Variants in SAFB2 observed in about 807,000 individuals in gnomAD.
SAFB2 encodes scaffold attachment factor B2.
Under a neutral mutation model 100.6 loss-of-function variants are expected in SAFB2, and 32 were observed. That is an observed-to-expected ratio of 0.32 (90% CI 0.24 to 0.43). The LOEUF (loss-of-function observed/expected upper bound fraction) is 0.43. SAFB2 is among the 20% of genes least tolerant of loss of function. The pLI, the probability that SAFB2 is intolerant of heterozygous loss-of-function variation, is 1.00. For missense variants in SAFB2, 1,185 were observed against 1,163.4 expected, an observed-to-expected ratio of 1.02 and a Z score of -0.27; for synonymous variants, 500 against 439.4, an observed-to-expected ratio of 1.14 and a Z score of -1.72.
chr19:5,620,260 AG>A (rs2053113639), intron 2 of SAFB2, among the ~76,000 whole-genome samples: 4 of 152,262 alleles, frequency 2.6e-5, no homozygotes, highest in Non-Finnish European at 4.4e-5. Context: ...CACATTAAGA[AG>A]AAAAAGCTAT....
At chr19:5,615,400 CATG>C (rs1164852702) in intron 4 of SAFB2, among the ~76,000 whole-genome samples, 1 of 151,556 alleles carries the variant, frequency 6.6e-6, no homozygotes, top group Non-Finnish European at 1.5e-5. Context: ...GGAATATCTA[CATG>C]ATGAGATTAG....
Position 5,601,746 on chromosome 19 carries a change from G to T in SAFB2, c.1560-1486C>A, listed in dbSNP as rs538432334. Among the ~76,000 whole-genome samples the T allele has an allele frequency of 1.6e-4, 17 of 108,150 alleles. No individual in the cohort carries two copies. The South Asian group carries it at 5.4e-3, about 34-fold the overall frequency. The allele number at this position is 108,150 out of a possible 152,430, so 71.0% of individuals were successfully genotyped here. A position where few individuals can be genotyped will look rare whatever the true frequency, so the allele number is the denominator to read the frequency against. On this transcript the variant is annotated intron_variant, in intron 11 of 20. Coordinates refer to ENST00000252542, the MANE Select transcript of SAFB2 (RefSeq NM_014649.3). ...AATAAATAAATAAATAAATAAATAA[G>T]AAGGACCTTTAGATCCTGAGACAGA...
In SAFB2 at chr19:5,592,203, C is replaced by T. The variant is rs182891624; in HGVS notation, c.2349-410G>A. On this transcript the variant is annotated intron_variant, in intron 16 of 20. Transcript: ENST00000252542. ...TCCTGTTCTCCCCGCTCTGACATTC[C>T]GACTGAAGGAGCCAATGAATGGGGA... Among the ~76,000 whole-genome samples, 364 of 152,284 alleles carry T rather than the reference C, an allele frequency of 2.4e-3. 4 individuals are homozygous for T. The highest frequency in any genetic ancestry group is 8.3e-3 in the African/African-American group (346 of 41,564).
At chr19:5,615,717 T>C (rs998718373) in intron 4 of SAFB2, among the ~76,000 whole-genome samples, 1 of 152,166 alleles carries the variant, frequency 6.6e-6, no homozygotes, top group African/African-American at 2.4e-5. Context: ...AAATAAACCA[T>C]CTTTGCTTCT....
intron 11 of SAFB2, among the ~76,000 whole-genome samples, chr19:5,602,500 A>AAG (rs2052683337): frequency 6.6e-6 from 1 of 151,022 alleles, no homozygotes; most frequent in Non-Finnish European, 1.5e-5. Flanking sequence ...AAAAAAAAAA[A>AAG]AAAAAATCTT....
In SAFB2 at chr19:5,587,663, G is replaced by A; in HGVS notation, c.2705+38C>T. Reference sequence around the variant, plus strand: ...AAAAAGGGAGAGGAAGTGAGGAGCAGGAGTGAACCACCGTCCTCCACGGAC... The same window carrying A: ...AAAAAGGGAGAGGAAGTGAGGAGCAAGAGTGAACCACCGTCCTCCACGGAC... On this transcript the variant is annotated intron_variant, in intron 20 of 20. Transcript: ENST00000252542. The surrounding 1 kb of genome is among the most constrained non-coding windows in gnomAD (Gnocchi z 4.9). 1 of 1,528,082 alleles carries A rather than the reference G, an allele frequency of 6.5e-7. No individual in the cohort carries two copies. The highest frequency in any genetic ancestry group is 1.2e-5 in the South Asian group (1 of 82,008). The allele number at this position is 1,528,082 out of a possible 1,614,324, so 94.7% of individuals were successfully genotyped here. A position where few individuals can be genotyped will look rare whatever the true frequency, so the allele number is the denominator to read the frequency against.
chr19:5,591,925 G>C (rs1364886505), intron 16 of SAFB2, 132 bp from the exon 17 acceptor site: 3 of 837,080 alleles, frequency 3.6e-6, no homozygotes, highest in Non-Finnish European at 3.8e-6. Context: ...TGGGAAAAAA[G>C]GAAAAAGCTA....
Position 5,587,507 on chromosome 19 carries a change from T to C in SAFB2, c.2706-108A>G, listed in dbSNP as rs1244183866. 1 of 1,480,738 alleles carries C rather than the reference T, an allele frequency of 6.8e-7. No homozygotes were observed. The highest frequency in any genetic ancestry group is 9.0e-7 in the Non-Finnish European group (1 of 1,110,224). 91.7% of individuals were successfully genotyped at this position (1,480,738 alleles called of 1,614,324 possible). ...GCCTTTAGAGCGCTTGGGTTTTTTT[T>C]CCAGGTGAGAAAAATCATCATCGCA... On this transcript the variant is annotated intron_variant, in intron 20 of 20. Transcript: ENST00000252542. The surrounding 1 kb of genome is among the most constrained non-coding windows in gnomAD (Gnocchi z 4.9).
Position 5,598,845 on chromosome 19 carries a change from G to C in SAFB2, c.1730C>G (p.Ser577Trp), listed in dbSNP as rs765781197. Residue 577 changes from serine to tryptophan, a missense_variant, in exon 13 of 21, where the codon TCG becomes TGG. Physicochemically the swap from Ser to Trp is radical, Grantham distance 177 (BLOSUM62 -3). Around this residue, in one of 3 missense-constraint regions of SAFB2, gnomAD observed 740 missense variants for 687.1 expected, o/e 1.08. Coordinates refer to ENST00000252542, the MANE Select transcript of SAFB2 (RefSeq NM_014649.3). ...CACGCTAATGACGGGCTCTCCTTTCGATTTATCCATCACGACCGTCCGCTC... is the reference window on the plus strand; with the variant it reads ...CACGCTAATGACGGGCTCTCCTTTCCATTTATCCATCACGACCGTCCGCTC... Reference protein sequence around the residue: ...GMERTVVMDKSKGEPVISVKT... With the variant: ...GMERTVVMDKWKGEPVISVKT... The C allele has an allele frequency of 6.2e-7, 1 of 1,614,058 alleles. No individual in the cohort carries two copies. The highest frequency in any genetic ancestry group is 1.1e-5 in the South Asian group (1 of 91,072).
Position 5,602,803 on chromosome 19 carries a change from C to G in SAFB2, c.1559+1780G>C, listed in dbSNP as rs1284749355. Among the ~76,000 whole-genome samples, 2 of 152,192 alleles carry G rather than the reference C, an allele frequency of 1.3e-5. 1 individual carries two copies. The highest frequency in any genetic ancestry group is 2.9e-5 in the Non-Finnish European group (2 of 68,036). On this transcript the variant is annotated intron_variant, in intron 11 of 20. Transcript: ENST00000252542. ...GCAAGATACCAAGAACACCGCAAAC[C>G]TGCAACAACAGTTCCCCATCTTCCA...
rs764782238 is a variant in SAFB2, at chr19:5,622,597, GCCCGCAGATCGATCA to G, written c.104_118del (p.Val35_Arg39del). 1.2e-6 allele frequency: 2 copies of G among 1,613,340 alleles called. No homozygotes were observed. The highest frequency in any genetic ancestry group is 1.7e-6 in the Non-Finnish European group (2 of 1,179,790). On this transcript the variant is annotated inframe_deletion, in exon 1 of 21. Coordinates refer to ENST00000252542, the MANE Select transcript of SAFB2 (RefSeq NM_014649.3). ...GTCCAGGTTCCGCTTCTTCAGCTCC[GCCCGCAGATCGATCA>G]CCCGCAGCTCGCTGAGCCGCCTCGT...
chr19:5,603,259 A>C (rs2052702716), intron 11 of SAFB2, among the ~76,000 whole-genome samples: 1 of 152,190 alleles, frequency 6.6e-6, no homozygotes, highest in Admixed American at 6.5e-5. Context: ...CCCGTCTCAA[A>C]AAGTAAAATG....
At chr19:5,590,254 C>G in intron 18 of SAFB2, 24 bp downstream of exon 18, 2 of 1,543,062 alleles carry the variant, frequency 1.3e-6, no homozygotes, top group Non-Finnish European at 1.7e-6. Flanking sequence ...ATGCTCCCCA[C>G]CCGGCTGGGG....
Position 5,593,018 on chromosome 19 carries a change from A to G in SAFB2, c.2208-131T>C. 4 of 791,516 alleles carry G rather than the reference A, an allele frequency of 5.1e-6. 1 individual carries two copies. The highest frequency in any genetic ancestry group is 3.5e-5 in the South Asian group (2 of 56,866). 49.0% of individuals were successfully genotyped at this position (791,516 alleles called of 1,614,324 possible). A position where few individuals can be genotyped will look rare whatever the true frequency, so the allele number is the denominator to read the frequency against. On this transcript the variant is annotated intron_variant, in intron 15 of 20. Transcript: ENST00000252542. ...ATCGTTTAAAATGTCCTGCAGGGCT[A>G]ATCTCTAAACATTCGATCATCATTG... is the stretch of plus-strand genomic sequence containing the variant.
At chr19:5,601,536 C>T (rs1033246183) in intron 11 of SAFB2, among the ~76,000 whole-genome samples, 1 of 151,992 alleles carries the variant, frequency 6.6e-6, no homozygotes, top group Non-Finnish European at 1.5e-5. Context: ...TTGTGAAACT[C>T]CGTCTCTACT....
rs201058797 is a variant in SAFB2 at position 5,587,304 on chromosome 19, C to A, written c.2801G>T (p.Ser934Ile). The A allele has an allele frequency of 1.2e-6, 2 of 1,612,426 alleles. No homozygotes were observed. Among genetic ancestry groups the A allele is most frequent in the Admixed American group, 1.7e-5 (1 of 59,850 alleles). ...GGGVASQDRGSRVPHPHPHPP... is the reference protein window; with the variant it reads ...GGGVASQDRGIRVPHPHPHPP... ...ATGAGGGTGTGGGTGAGGGACTCTG[C>A]TGCCCCGGTCCTGGCTGGCCACTCC... Residue 934 changes from serine to isoleucine, a missense_variant, in exon 21 of 21, where the codon AGC becomes ATC. Around this residue, in one of 3 missense-constraint regions of SAFB2, gnomAD observed 740 missense variants for 687.1 expected, o/e 1.08. Transcript: ENST00000252542. The surrounding 1 kb of genome is among the most constrained non-coding windows in gnomAD (Gnocchi z 4.9).
chr19:5,599,870 C>A (rs2052617471), intron 12 of SAFB2, among the ~76,000 whole-genome samples: 1 of 152,180 alleles, frequency 6.6e-6, no homozygotes, highest in African/African-American at 2.4e-5. Flanking sequence ...CAGCCAAAGG[C>A]CCTGAAAAAG....
intron 4 of SAFB2, among the ~76,000 whole-genome samples, chr19:5,614,845 T>C (rs1422376176): frequency 2.6e-5 from 4 of 152,234 alleles, no homozygotes; most frequent in African/African-American, 9.6e-5. Context: ...TCAGTCCTTT[T>C]GGGGAGCAGG....
chr19:5,612,208 G>A (rs1405122773), intron 6 of SAFB2: 3 of 396,736 alleles, frequency 7.6e-6, no homozygotes, highest in African/African-American at 6.2e-5. Flanking sequence ...TAATCAAAAT[G>A]ACTGCAGCAA....
Sources: allele counts gnomAD v4.1 joint callset (sites outside exome capture counted in the v4.1 genomes callset), GRCh38; gene constraint gnomAD v4.1.1; regional missense constraint gnomAD v4.1.1; non-coding constraint Gnocchi (gnomAD v3.1); transcripts MANE v1.5; gene names NCBI Gene and HGNC (gene_info 2026-07-23, HGNC 2026-07-21).